The following COPG2 variants were observed in gnomAD, a reference collection of about 807,000 sequenced individuals.
COPG2 encodes coat protein complex I subunit gamma 2, also known as coatomer subunit gamma-2.
COPG2 carries 37 observed loss-of-function variants against 46.3 expected under a neutral mutation model. The observed-to-expected ratio is 0.80, with a 90% CI of 0.61 to 1.05. The LOEUF (loss-of-function observed/expected upper bound fraction) is 1.05. Ranked by LOEUF, COPG2 falls within the 50% of genes least tolerant of loss-of-function variation. The probability of loss-of-function intolerance (pLI) is 0.00; values close to 1 mark genes in which losing one functional copy is unlikely to be tolerated. For synonymous variants in COPG2, 159 were observed against 129.7 expected, an observed-to-expected ratio of 1.23 and a Z score of -1.53; for missense variants, 427 against 387.8, an observed-to-expected ratio of 1.10 and a Z score of -0.85.
intron 5 of COPG2, among the ~76,000 whole-genome samples, chr7:130,649,745 G>A (rs1554458835): frequency 2.0e-5 from 3 of 152,082 alleles, no homozygotes. Flanking sequence ...TGGCAATCTA[G>A]GCGTTTTCTA....
intron 9 of COPG2, among the ~76,000 whole-genome samples, chr7:130,586,716 C>A (rs1554448052): frequency 6.6e-6 from 1 of 151,938 alleles, no homozygotes; most frequent in East Asian, 1.9e-4. Flanking sequence ...CCCACCTCGG[C>A]CTCCCAAAGT....
chr7:130,595,998 T>C (rs1226928986), intron 9 of COPG2, among the ~76,000 whole-genome samples: 2 of 152,216 alleles, frequency 1.3e-5, no homozygotes, highest in Admixed American at 1.3e-4. Context: ...CTCTGCTTCC[T>C]CCAGCTGGAA....
In COPG2 at chr7:130,554,576, A is replaced by C. The variant is rs1363551041; in HGVS notation, c.1373T>G (p.Leu458Trp). 2.5e-6 allele frequency: 1 copy of C among 398,472 alleles called. No individual in the cohort carries two copies. The highest frequency in any genetic ancestry group is 3.6e-5 in the East Asian group (1 of 28,094). 24.7% of individuals were successfully genotyped at this position (398,472 alleles called of 1,614,324 possible). A position where few individuals can be genotyped will look rare whatever the true frequency, so the allele number is the denominator to read the frequency against. ...CGTTCTAGGGCCCTCTTTGCCCAACAAGTGTAGAATCTTAGTAGCCAGAAC... is the reference window on the plus strand; with the variant it reads ...CGTTCTAGGGCCCTCTTTGCCCAACCAGTGTAGAATCTTAGTAGCCAGAAC... ...HTVLATKILH[L>W]LGKEGPRTPV... The change falls in exon 14 of 24, where the codon TTG becomes TGG. Residue 458 changes from leucine to tryptophan, a missense_variant. Physicochemically the swap from Leu to Trp is moderately conservative, Grantham distance 61. Coordinates refer to ENST00000425248, the MANE Select transcript of COPG2 (RefSeq NM_012133.6).
At chr7:130,637,227 CT>C (rs1484838235) in intron 5 of COPG2, among the ~76,000 whole-genome samples, 2 of 152,146 alleles carry the variant, frequency 1.3e-5, no homozygotes, top group Non-Finnish European at 2.9e-5. Context: ...CGAGGAGTAT[CT>C]TTGTGATATT....
intron 9 of COPG2, among the ~76,000 whole-genome samples, chr7:130,596,315 C>A (rs1207319489): frequency 2.0e-5 from 3 of 152,196 alleles, no homozygotes; most frequent in African/African-American, 7.2e-5. Flanking sequence ...ATACTTCACA[C>A]AAAAGTTTAG....
chr7:130,634,480 A>T (rs1252488099), intron 5 of COPG2, among the ~76,000 whole-genome samples: 44 of 152,142 alleles, frequency 2.9e-4, no homozygotes, highest in Admixed American at 2.8e-3. Context: ...TCTTTGTAGC[A>T]ATTGTGAATG....
chr7:130,517,501 A>C (rs1322654204), intron 20 of COPG2, among the ~76,000 whole-genome samples: 1 of 152,258 alleles, frequency 6.6e-6, no homozygotes, highest in African/African-American at 2.4e-5. Flanking sequence ...AACTTGGTTA[A>C]TAAGAAAGTT....
At chr7:130,561,514 G>A (rs914210515) in intron 11 of COPG2, among the ~76,000 whole-genome samples, 42 of 152,156 alleles carry the variant, frequency 2.8e-4, no homozygotes, top group Non-Finnish European at 5.3e-4. Flanking sequence ...GTTCATATAC[G>A]TCTATTCTAT....
At chr7:130,658,739 G>A (rs1365643911) in intron 4 of COPG2, among the ~76,000 whole-genome samples, 4 of 151,562 alleles carry the variant, frequency 2.6e-5, no homozygotes, top group South Asian at 4.2e-4. Context: ...GGAGTGCAGT[G>A]GCACGATCTC....
chr7:130,511,821 G>A (rs781978244), intron 20 of COPG2: 1 of 519,712 alleles, frequency 1.9e-6, no homozygotes, highest in Non-Finnish European at 3.8e-6. Context: ...AAGGAATTCA[G>A]TAGGAGGCAG....
At chr7:130,554,914 C>T (rs1322113691) in intron 13 of COPG2, 123 bp downstream of exon 13, 3 of 397,440 alleles carry the variant, frequency 7.5e-6, no homozygotes, top group East Asian at 7.1e-5. Flanking sequence ...AGTAACCAGA[C>T]TTAGTGTACT....
At chr7:130,522,633 C>A in intron 20 of COPG2, among the ~76,000 whole-genome samples, 2 of 151,264 alleles carry the variant, frequency 1.3e-5, no homozygotes, top group East Asian at 1.9e-4. Flanking sequence ...TGGAAGGATG[C>A]CAGAGGAAGA....
chr7:130,512,094 C>T (rs1287614923), intron 20 of COPG2, among the ~76,000 whole-genome samples: 2 of 146,174 alleles, frequency 1.4e-5, no homozygotes, highest in South Asian at 2.2e-4. Context: ...ATTAGCCGGG[C>T]GTGGTGGCCC....
chr7:130,533,586 C>G (rs1235719666), intron 20 of COPG2, among the ~76,000 whole-genome samples: 2 of 152,030 alleles, frequency 1.3e-5, no homozygotes, highest in African/African-American at 4.8e-5. Flanking sequence ...ACCAGTGTCT[C>G]CCTAGTGGCA....
chr7:130,651,520 T>A (rs1351150280), intron 5 of COPG2, among the ~76,000 whole-genome samples: 7 of 115,196 alleles, frequency 6.1e-5, no homozygotes, highest in African/African-American at 1.6e-4. Context: ...TTTTTTTTTT[T>A]TTTTTTTGAG....
chr7:130,624,595 A>G (rs931340834), intron 5 of COPG2, among the ~76,000 whole-genome samples: 5 of 152,046 alleles, frequency 3.3e-5, no homozygotes, highest in Admixed American at 6.6e-5. Flanking sequence ...TCCAAGCCCC[A>G]AAGTCCATTA....
rs372592352 is a variant in COPG2, at chr7:130,613,556, C to G, written c.480G>C (p.Leu160=). ...DKVSSVSSSA[L]VSSLHMMKIS... Reference sequence around the variant, plus strand: ...CTTGTTCACTTACCAGGGAAGATACCAGTGCTGAACTGGATACACTGGAAA... The same window carrying G: ...CTTGTTCACTTACCAGGGAAGATACGAGTGCTGAACTGGATACACTGGAAA... The change falls in exon 7 of 24, where the codon CTG becomes CTC. Residue 160 remains leucine, a synonymous_variant. Coordinates refer to ENST00000425248, the MANE Select transcript of COPG2 (RefSeq NM_012133.6). The G allele has an allele frequency of 1.3e-5, 20 of 1,589,570 alleles. No homozygotes were observed. The African/African-American group carries it at 2.5e-4, about 20-fold the overall frequency.
intron 20 of COPG2, 30 bp from the exon 21 acceptor site, chr7:130,508,689 A>T (rs1554440579): frequency 1.4e-6 from 1 of 737,264 alleles, no homozygotes; most frequent in African/African-American, 1.7e-5. Context: ...AACCTGCATC[A>T]GTGGGGAGTG....
chr7:130,575,697 T>C (rs1793988832), intron 9 of COPG2, among the ~76,000 whole-genome samples: 2 of 152,054 alleles, frequency 1.3e-5, no homozygotes, highest in African/African-American at 4.8e-5. Flanking sequence ...AGGCAACAAA[T>C]AGCATGATGA....
Sources: allele counts gnomAD v4.1 joint callset (sites outside exome capture counted in the v4.1 genomes callset), GRCh38; gene constraint gnomAD v4.1.1; transcripts MANE v1.5; gene names NCBI Gene and HGNC (gene_info 2026-07-23, HGNC 2026-07-21).